The following RBM17 variants were observed in gnomAD, a reference collection of about 807,000 sequenced individuals.
RBM17 encodes splicing factor 45.
A neutral mutation model predicts 53.2 loss-of-function variants in RBM17; 7 were observed. The ratio of observed to expected loss-of-function variants is 0.13; its 90% CI spans 0.07 to 0.25. The LOEUF (loss-of-function observed/expected upper bound fraction) is 0.25, where lower values mean the gene tolerates loss of function less well. Ranked by LOEUF, RBM17 falls within the 10% of genes least tolerant of loss-of-function variation. The probability of loss-of-function intolerance (pLI) is 1.00; values close to 1 mark genes in which losing one functional copy is unlikely to be tolerated. For missense variants in RBM17, 257 were observed against 496.7 expected, an observed-to-expected ratio of 0.52 and a Z score of 4.59; for synonymous variants, 167 against 178.1, an observed-to-expected ratio of 0.94 and a Z score of 0.50.
chr10:6,102,146 T>C (rs1564567109), intron 3 of RBM17, among the ~76,000 whole-genome samples: 2 of 152,194 alleles, frequency 1.3e-5, no homozygotes, highest in African/African-American at 4.8e-5. Flanking sequence ...GTTCAAATAA[T>C]GACTGTGGTC....
At chr10:6,109,721 T>C (rs750818733) in intron 6 of RBM17, among the ~76,000 whole-genome samples, 1 of 152,112 alleles carries the variant, frequency 6.6e-6, no homozygotes, top group Non-Finnish European at 1.5e-5. Flanking sequence ...TTTTAAAGGG[T>C]GAATAACATT....
chr10:6,098,579 T>G (rs1274970202), intron 2 of RBM17, among the ~76,000 whole-genome samples: 3 of 127,968 alleles, frequency 2.3e-5, no homozygotes, highest in Non-Finnish European at 5.0e-5. Flanking sequence ...TTTTTTTTTT[T>G]TTTTTTTTTT....
rs1301534998 is a variant in RBM17 at position 6,113,492 on chromosome 10, G to A, written c.857-16G>A. ...GCTCAGTTCTGTAACACATCTAATG[G>A]TATGTTTTGATACAGATGCATCCAA... On this transcript the variant is annotated splice_polypyrimidine_tract_variant and intron_variant, in intron 8 of 11. Coordinates refer to ENST00000379888, the MANE Select transcript of RBM17 (RefSeq NM_032905.5). 5.7e-6 allele frequency: 9 copies of A among 1,575,110 alleles called. No individual in the cohort carries two copies. In the Admixed American group the frequency reaches 1.5e-4, roughly 26 times the overall value.
chr10:6,107,343 A>T (rs1186215606), intron 5 of RBM17, among the ~76,000 whole-genome samples: 1 of 150,856 alleles, frequency 6.6e-6, no homozygotes. Context: ...ACGCCCATCT[A>T]ATTTTTACAT....
intron 2 of RBM17, among the ~76,000 whole-genome samples, chr10:6,098,563 G>GTCTTTTT (rs1554834988): frequency 1.7e-4 from 8 of 46,640 alleles, no homozygotes; most frequent in Non-Finnish European, 3.1e-4. Flanking sequence ...CAGGTTTTTT[G>GTCTTTTT]TTTTTTTTTT....
chr10:6,112,153 C>G lies in RBM17; in HGVS notation c.705-57C>G. The G allele has an allele frequency of 6.3e-7, 1 of 1,576,682 alleles. No homozygotes were observed. Among genetic ancestry groups the G allele is most frequent in the South Asian group, 1.1e-5 (1 of 87,754 alleles). On this transcript the variant is annotated intron_variant, in intron 7 of 11. Transcript: ENST00000379888. The surrounding 1 kb of genome is among the most constrained non-coding windows in gnomAD (Gnocchi z 4.4). ...AGGTTGTTGTGATGGAAAAATGCAA[C>G]CTATCTCCAGTTGACGATGTCAAGG...
At chr10:6,096,791 A>G (rs1840583465) in intron 1 of RBM17, 1 of 215,030 alleles carries the variant, frequency 4.7e-6, no homozygotes, top group Non-Finnish European at 9.3e-6. Flanking sequence ...CTAGCATTGA[A>G]GGATTTCACT....
At chr10:6,107,764 GA>G (rs1011342813) in intron 5 of RBM17, among the ~76,000 whole-genome samples, 8 of 152,098 alleles carry the variant, frequency 5.3e-5, no homozygotes, top group African/African-American at 1.7e-4. Flanking sequence ...TTACAGGAGT[GA>G]ACCACTGCGT....
At chr10:6,094,267 C>G (rs1242392942) in intron 1 of RBM17, among the ~76,000 whole-genome samples, 1 of 152,118 alleles carries the variant, frequency 6.6e-6, no homozygotes, top group Non-Finnish European at 1.5e-5. Context: ...TGCGAGACAC[C>G]GCACCCGGCC....
At chr10:6,108,581 T>G in intron 5 of RBM17, 105 bp from the exon 6 acceptor site, 1 of 773,076 alleles carries the variant, frequency 1.3e-6, no homozygotes, top group Non-Finnish European at 2.1e-6. Flanking sequence ...CCTCCTTTTT[T>G]AGTTTTTTCT....
intron 8 of RBM17, chr10:6,113,160 G>C (rs1009699561): frequency 1.4e-5 from 3 of 213,592 alleles, no homozygotes; most frequent in Non-Finnish European, 2.9e-5. Context: ...TATTCCCCTG[G>C]GCCCGTGACC....
intron 1 of RBM17, among the ~76,000 whole-genome samples, chr10:6,090,233 G>A (rs1248935601): frequency 6.6e-6 from 1 of 152,176 alleles, no homozygotes; most frequent in Non-Finnish European, 1.5e-5. Flanking sequence ...TTCTAGATAA[G>A]GGCAAGATTC....
At chr10:6,094,829 C>T (rs1051321089) in intron 1 of RBM17, among the ~76,000 whole-genome samples, 2 of 152,134 alleles carry the variant, frequency 1.3e-5, no homozygotes, top group Non-Finnish European at 2.9e-5. Flanking sequence ...GATTATTGGC[C>T]AGAAATTTCT....
chr10:6,112,724 AAT>A lies in RBM17; in HGVS notation c.856+367_856+368del, dbSNP rs1406903007. On this transcript the variant is annotated intron_variant, in intron 8 of 11. Coordinates refer to ENST00000379888, the MANE Select transcript of RBM17 (RefSeq NM_032905.5). The surrounding 1 kb of genome is among the most constrained non-coding windows in gnomAD (Gnocchi z 4.4). ...GACAGAGCCATATAGTGTGGCAGTG[AAT>A]ATACCTGCTATCTCCATCTCAGAGG... The A allele has an allele frequency of 3.2e-6, 1 of 311,466 alleles. No individual in the cohort carries two copies. The highest frequency in any genetic ancestry group is 2.1e-5 in the African/African-American group (1 of 46,574). The allele number at this position is 311,466 out of a possible 1,614,324, so 19.3% of individuals were successfully genotyped here.
intron 10 of RBM17, 102 bp from the exon 11 acceptor site, chr10:6,115,137 G>T: frequency 1.1e-6 from 1 of 889,200 alleles, no homozygotes; most frequent in Non-Finnish European, 1.7e-6. Flanking sequence ...GACTGTATAT[G>T]ATGATAATTA....
At chr10:6,107,641 C>A (rs931496888) in intron 5 of RBM17, among the ~76,000 whole-genome samples, 10 of 151,634 alleles carry the variant, frequency 6.6e-5, no homozygotes, top group African/African-American at 2.4e-4. Flanking sequence ...GCCACCATGC[C>A]CAGCTGATTT....
intron 1 of RBM17, chr10:6,096,763 C>T (rs1304556026): frequency 5.7e-6 from 1 of 176,808 alleles, no homozygotes; most frequent in Non-Finnish European, 1.2e-5. Context: ...TGTTCCAATT[C>T]TTACCTCATT....
chr10:6,113,470 C>T (rs1352342710), intron 8 of RBM17, 38 bp from the exon 9 acceptor site: 2 of 1,383,340 alleles, frequency 1.4e-6, no homozygotes, highest in African/African-American at 2.8e-5. Context: ...ATATGCTGCT[C>T]AGTTCTGTAA....
At chr10:6,104,709 A>G (rs1218630229) in intron 3 of RBM17, among the ~76,000 whole-genome samples, 1 of 152,236 alleles carries the variant, frequency 6.6e-6, no homozygotes, top group Non-Finnish European at 1.5e-5. Flanking sequence ...AGTATTATAG[A>G]AATAGTACTA....
Sources: allele counts gnomAD v4.1 joint callset (sites outside exome capture counted in the v4.1 genomes callset), GRCh38; gene constraint gnomAD v4.1.1; non-coding constraint Gnocchi (gnomAD v3.1); transcripts MANE v1.5; gene names NCBI Gene and HGNC (gene_info 2026-07-23, HGNC 2026-07-21).